EDA: variants seen among roughly 807,000 people sequenced by gnomAD.
The protein encoded by EDA is ectodysplasin-A.
Under a neutral mutation model 23.6 loss-of-function variants are expected in EDA, and 2 were observed. The observed-to-expected ratio is 0.08, with a 90% CI of 0.03 to 0.27. The LOEUF (loss-of-function observed/expected upper bound fraction) is 0.27, where lower values mean the gene tolerates loss of function less well. Among genes scored for constraint, EDA ranks in the 10% least tolerant of loss-of-function variants. The pLI, the probability that EDA is intolerant of heterozygous loss-of-function variation, is 1.00. For synonymous variants in EDA, 131 were observed against 132.0 expected, an observed-to-expected ratio of 0.99 and a Z score of 0.05; for missense variants, 229 against 324.2, an observed-to-expected ratio of 0.71 and a Z score of 2.26.
intron 1 of EDA, among the ~76,000 whole-genome samples, chrX:69,648,166 G>A (rs1342931231): frequency 8.9e-6 from 1 of 112,101 alleles, no homozygotes; most frequent in African/African-American, 3.2e-5. Flanking sequence ...TAGTCAGGAA[G>A]AATGGGATCA....
At chrX:69,994,194 C>G (rs371420300) in intron 2 of EDA, among the ~76,000 whole-genome samples, 4 of 111,864 alleles carry the variant, frequency 3.6e-5, no homozygotes, top group African/African-American at 1.3e-4. Context: ...TGAGTCCTAA[C>G]TCTGCTTTTG....
At chrX:69,665,259 A>G (rs1465849753) in intron 1 of EDA, among the ~76,000 whole-genome samples, 1 of 111,956 alleles carries the variant, frequency 8.9e-6, no homozygotes, top group Non-Finnish European at 1.9e-5. Flanking sequence ...CAATACATAG[A>G]CTGCCATTTC....
chrX:69,827,476 T>A (rs1192935070), intron 1 of EDA, among the ~76,000 whole-genome samples: 5 of 112,198 alleles, frequency 4.5e-5, no homozygotes, highest in African/African-American at 1.6e-4. Context: ...ATACCCTTTC[T>A]TCCAGTTGAT....
In EDA at chrX:70,023,088, C is replaced by T. The variant is rs112209044; in HGVS notation, c.503-130C>T. 398 of 383,898 alleles carry T rather than the reference C, an allele frequency of 1.0e-3. 3 individuals are homozygous for T. The highest frequency in any genetic ancestry group is 8.9e-3 in the African/African-American group (348 of 39,047). The allele number at this position is 383,898 out of a possible 1,213,427, so 31.6% of individuals were successfully genotyped here. A position where few individuals can be genotyped will look rare whatever the true frequency, so the allele number is the denominator to read the frequency against. Reference sequence around the variant, plus strand: ...TTGATAGTTGGATCCTTGCCAAAAGCCTGACCCTTGGCTGTGAGACTCCCT... The same window carrying T: ...TTGATAGTTGGATCCTTGCCAAAAGTCTGACCCTTGGCTGTGAGACTCCCT... On this transcript the variant is annotated intron_variant, in intron 2 of 7. Transcript: ENST00000374552.
intron 1 of EDA, among the ~76,000 whole-genome samples, chrX:69,751,700 G>C (rs1475664520): frequency 1.0e-3 from 115 of 111,278 alleles, no homozygotes; most frequent in Non-Finnish European, 1.0e-3. Context: ...CTTTTATTTC[G>C]TTAAGCAGTG....
At chrX:69,775,407 G>A (rs1023992316) in intron 1 of EDA, among the ~76,000 whole-genome samples, 3 of 111,836 alleles carry the variant, frequency 2.7e-5, no homozygotes, top group Non-Finnish European at 5.7e-5. Context: ...AGCTCCCAGA[G>A]CTACATATAA....
intron 1 of EDA, among the ~76,000 whole-genome samples, chrX:69,650,984 G>A (rs762149727): frequency 1.8e-5 from 2 of 111,034 alleles, no homozygotes; most frequent in Non-Finnish European, 3.8e-5. Context: ...TTAGTAAGGG[G>A]GAAAGTTAGG....
intron 1 of EDA, among the ~76,000 whole-genome samples, chrX:69,712,515 C>T (rs1602323701): frequency 9.0e-6 from 1 of 111,256 alleles, no homozygotes; most frequent in African/African-American, 3.3e-5. Context: ...AATGAGATAC[C>T]ATCTCACACC....
intron 1 of EDA, among the ~76,000 whole-genome samples, chrX:69,696,691 T>C (rs1170751508): frequency 1.8e-5 from 2 of 111,810 alleles, no homozygotes; most frequent in East Asian, 5.6e-4. Context: ...ACCCAGGAAG[T>C]AAAACAACTT....
At chrX:69,940,850 G>A (rs2018747450) in intron 1 of EDA, among the ~76,000 whole-genome samples, 1 of 111,540 alleles carries the variant, frequency 9.0e-6, no homozygotes, top group African/African-American at 3.2e-5. Context: ...AGTTCTTTAA[G>A]ATACATCATT....
intron 1 of EDA, among the ~76,000 whole-genome samples, chrX:69,852,581 A>C (rs1256879537): frequency 9.0e-6 from 1 of 111,400 alleles, no homozygotes; most frequent in Non-Finnish European, 1.9e-5. Context: ...TTAATGGGCC[A>C]CTCAAGTTTG....
chrX:69,862,492 TG>T (rs1441784282), intron 1 of EDA, among the ~76,000 whole-genome samples: 1 of 111,966 alleles, frequency 8.9e-6, no homozygotes, highest in Non-Finnish European at 1.9e-5. Context: ...TCACCCATGC[TG>T]GAGTGCAGTG....
chrX:69,687,189 T>C (rs745753094), intron 1 of EDA, among the ~76,000 whole-genome samples: 5 of 112,068 alleles, frequency 4.5e-5, no homozygotes, highest in Non-Finnish European at 9.4e-5. Context: ...TTTTTTCATG[T>C]GCTCATTGGC....
intron 1 of EDA, among the ~76,000 whole-genome samples, chrX:69,789,544 C>T (rs2015336541): frequency 8.9e-6 from 1 of 112,020 alleles, no homozygotes; most frequent in Non-Finnish European, 1.9e-5. Context: ...TCTGTTAAAA[C>T]CTTTGTCAAA....
At chrX:69,726,811 G>A (rs1305910857) in intron 1 of EDA, among the ~76,000 whole-genome samples, 1 of 112,398 alleles carries the variant, frequency 8.9e-6, no homozygotes, top group African/African-American at 3.2e-5. Flanking sequence ...AGGAGCGGGA[G>A]CACACGGACA....
rs2015835545 is a variant in EDA, at chrX:69,807,232, A to T, written c.397-149795A>T. ...CTTAAGAGGATTCAATTCACTAAGT[A>T]GGCAAAATTTTAAATGTAACATGTA... On this transcript the variant is annotated intron_variant, in intron 1 of 7. Coordinates refer to ENST00000374552, the MANE Select transcript of EDA (RefSeq NM_001399.5). Among the ~76,000 whole-genome samples, 3 of 108,982 alleles carry T rather than the reference A, an allele frequency of 2.8e-5. No individual in the cohort carries two copies. The South Asian group carries it at 1.2e-3, about 44-fold the overall frequency. 94.6% of individuals were successfully genotyped at this position (108,982 alleles called of 115,157 possible).
chrX:69,710,735 T>G (rs1267474997), intron 1 of EDA, among the ~76,000 whole-genome samples: 1 of 111,659 alleles, frequency 9.0e-6, no homozygotes, highest in East Asian at 2.8e-4. Context: ...TCCTAGGCAT[T>G]TTATTCTCTT....
At chrX:69,796,380 G>C (rs1369249977) in intron 1 of EDA, among the ~76,000 whole-genome samples, 1 of 111,734 alleles carries the variant, frequency 8.9e-6, no homozygotes, top group Non-Finnish European at 1.9e-5. Context: ...GGACCACCTA[G>C]AATCCCACTA....
intron 1 of EDA, among the ~76,000 whole-genome samples, chrX:69,779,091 G>A (rs2147442415): frequency 9.0e-6 from 1 of 111,527 alleles, no homozygotes; most frequent in East Asian, 2.8e-4. Context: ...ATGTAAAATG[G>A]TACAGCCAGT....
Sources: gnomAD v4.1 joint callset for allele counts (sites outside exome capture counted in the v4.1 genomes callset) on GRCh38, gnomAD v4.1.1 for gene constraint, MANE v1.5 for transcripts, NCBI Gene and HGNC (gene_info 2026-07-23, HGNC 2026-07-21) for gene names.